MYOF: variants seen among roughly 807,000 people sequenced by gnomAD.
MYOF encodes the protein fer-1-like 3, myoferlin.
Under a neutral mutation model 284.2 loss-of-function variants are expected in MYOF, and 244 were observed. That is an observed-to-expected ratio of 0.86 (90% confidence interval 0.77 to 0.95). MYOF has a LOEUF of 0.95. MYOF is among the 40% of genes least tolerant of loss of function. MYOF has a pLI of 0.00. For missense variants in MYOF, 2,496 were observed against 2,560.6 expected (o/e 0.97, Z 0.54); for synonymous variants, 904 against 919.7 (o/e 0.98, Z 0.31).
intron 40 of MYOF, chr10:93,337,497 C>A (rs2133832823): frequency 3.5e-6 from 1 of 289,264 alleles, no homozygotes; most frequent in Non-Finnish European, 6.4e-6. Flanking sequence ...AGCACTATGA[C>A]TTCTGGGTTT....
At chr10:93,438,884 C>T (rs1346934282) in intron 3 of MYOF, among the ~76,000 whole-genome samples, 4 of 152,202 alleles carry the variant, frequency 2.6e-5, no homozygotes, top group Admixed American at 6.5e-5. Flanking sequence ...CCCCCAGGAA[C>T]TTCCGCTCCT....
intron 50 of MYOF, 101 bp from the exon 51 acceptor site, chr10:93,313,311 A>G (rs756327083): frequency 2.8e-5 from 32 of 1,126,482 alleles, no homozygotes; most frequent in Non-Finnish European, 3.6e-5. Flanking sequence ...GCACACAGTG[A>G]TTTTGAACAG....
chr10:93,424,951 T>C (rs1175530212), intron 5 of MYOF, among the ~76,000 whole-genome samples: 1 of 144,440 alleles, frequency 6.9e-6, no homozygotes, highest in African/African-American at 2.6e-5. Context: ...TTTTTTTTTT[T>C]TTTTTGAGAC....
At chr10:93,417,434 A>G (rs550490804) in intron 5 of MYOF, among the ~76,000 whole-genome samples, 1 of 152,258 alleles carries the variant, frequency 6.6e-6, no homozygotes, top group East Asian at 1.9e-4. Context: ...ACACTTGCCT[A>G]CATGGCATCT....
At chr10:93,431,267 G>C (rs1394616026) in intron 4 of MYOF, 141 bp downstream of exon 4, 2 of 568,608 alleles carry the variant, frequency 3.5e-6, no homozygotes, top group Non-Finnish European at 6.1e-6. Flanking sequence ...GACCTCAGGT[G>C]ATCCACCCAA....
intron 7 of MYOF, among the ~76,000 whole-genome samples, chr10:93,406,318 T>TATATATATATATATATATATA (rs1847584374): frequency 7.7e-5 from 3 of 38,768 alleles, no homozygotes; most frequent in East Asian, 2.1e-3. Flanking sequence ...ATATATATAT[T>TATATATATATATATATATATA]TGTTTTTATC....
chr10:93,385,586 CT>C (rs1443732414), intron 19 of MYOF, among the ~76,000 whole-genome samples: 1 of 152,220 alleles, frequency 6.6e-6, no homozygotes, highest in East Asian at 1.9e-4. Context: ...TCATTTCACT[CT>C]CTCCTGGGGC....
intron 53 of MYOF, among the ~76,000 whole-genome samples, chr10:93,307,542 C>T (rs112433085): frequency 0.024 from 3,633 of 152,094 alleles, 76 homozygotes; most frequent in South Asian, 0.097. Context: ...CCTCGTGATC[C>T]GCCTGCCTCG....
At chr10:93,465,940 C>T (rs1238176301) in intron 1 of MYOF, among the ~76,000 whole-genome samples, 1 of 152,188 alleles carries the variant, frequency 6.6e-6, no homozygotes, top group Non-Finnish European at 1.5e-5. Flanking sequence ...CTGGGACCGC[C>T]CTGGTGGAAT....
chr10:93,405,964 A>C (rs770067208), intron 7 of MYOF, among the ~76,000 whole-genome samples: 7 of 148,452 alleles, frequency 4.7e-5, no homozygotes, highest in Non-Finnish European at 7.5e-5. Flanking sequence ...TGCCAGGCTA[A>C]TTTTTTGTTG....
At chr10:93,318,881 G>A (rs1174260333) in intron 49 of MYOF, among the ~76,000 whole-genome samples, 1 of 152,174 alleles carries the variant, frequency 6.6e-6, no homozygotes, top group African/African-American at 2.4e-5. Flanking sequence ...AGAGGAGGAA[G>A]CTGACAGAAT....
chr10:93,472,066 G>T lies in MYOF; in HGVS notation c.88+10041C>A, dbSNP rs146409745. Among the ~76,000 whole-genome samples the T allele has an allele frequency of 4.9e-3, 741 of 152,296 alleles. 4 individuals are homozygous for T. The highest frequency in any genetic ancestry group is 0.017 in the African/African-American group (711 of 41,556). On this transcript the variant is annotated intron_variant, in intron 1 of 53. Coordinates refer to ENST00000359263, the MANE Select transcript of MYOF (RefSeq NM_013451.4). ...GGCCACCAGGCTCTTTCAGGCTGCT[G>T]CTGGGCTCCTGCGAGGTGGGCTTTC... is the stretch of plus-strand genomic sequence containing the variant.
intron 1 of MYOF, chr10:93,478,154 T>A (rs2057306678): frequency 3.7e-6 from 1 of 272,312 alleles, no homozygotes; most frequent in Non-Finnish European, 7.2e-6. Flanking sequence ...ATTATATTAT[T>A]TAAAATTAAA....
intron 1 of MYOF, among the ~76,000 whole-genome samples, chr10:93,465,491 A>G (rs2056981405): frequency 6.7e-6 from 1 of 149,608 alleles, no homozygotes; most frequent in African/African-American, 2.5e-5. Flanking sequence ...GAGCTATCAG[A>G]TGATTTCTTT....
At chr10:93,363,733 A>G (rs528634098) in intron 27 of MYOF, among the ~76,000 whole-genome samples, 2 of 152,352 alleles carry the variant, frequency 1.3e-5, no homozygotes, top group African/African-American at 4.8e-5. Context: ...AATTTGCACA[A>G]TCCAAACTAT....
intron 41 of MYOF, among the ~76,000 whole-genome samples, chr10:93,334,440 C>T (rs1451994665): frequency 6.6e-6 from 1 of 151,840 alleles, no homozygotes; most frequent in Non-Finnish European, 1.5e-5. Context: ...CATACTCACC[C>T]CTGGCACAGC....
At chr10:93,374,085 C>A (rs899459943) in intron 23 of MYOF, among the ~76,000 whole-genome samples, 1 of 152,138 alleles carries the variant, frequency 6.6e-6, no homozygotes, top group African/African-American at 2.4e-5. Context: ...TTGTTCAGTT[C>A]CCACCTATGA....
chr10:93,360,016 G>A, intron 28 of MYOF, 38 bp from the exon 29 acceptor site: 1 of 1,612,106 alleles, frequency 6.2e-7, no homozygotes, highest in Non-Finnish European at 8.5e-7. Context: ...CAGAAGAGAT[G>A]CATTTGCCAG....
intron 25 of MYOF, among the ~76,000 whole-genome samples, chr10:93,369,293 C>T (rs58975945): frequency 0.25 from 36,413 of 147,900 alleles, 5,770 homozygotes; most frequent in East Asian, 0.86. Context: ...TACTTAGTGT[C>T]CCAGCATCAG....
Sources: allele counts gnomAD v4.1 joint callset (sites outside exome capture counted in the v4.1 genomes callset), GRCh38; gene constraint gnomAD v4.1.1; transcripts MANE v1.5; gene names NCBI Gene and HGNC (gene_info 2026-07-23, HGNC 2026-07-21).